Variants in MTBP observed in about 807,000 individuals in gnomAD.
The protein encoded by MTBP is MDM2 binding protein.
MTBP carries 101 observed loss-of-function variants against 117.0 expected under a neutral mutation model. The observed-to-expected ratio is 0.86, with a 90% CI of 0.73 to 1.02. The LOEUF is 1.02. Ranked by LOEUF, MTBP falls within the 50% of genes least tolerant of loss-of-function variation. The pLI, the probability that MTBP is intolerant of heterozygous loss-of-function variation, is 0.00. For missense variants in MTBP, 970 were observed against 1,030.9 expected, an observed-to-expected ratio of 0.94 and a Z score of 0.81; for synonymous variants, 350 against 351.5, an observed-to-expected ratio of 1.00 and a Z score of 0.05.
intron 16 of MTBP, among the ~76,000 whole-genome samples, chr8:120,507,282 A>C (rs1814706894): frequency 6.6e-6 from 1 of 152,164 alleles, no homozygotes; most frequent in Admixed American, 6.6e-5. Context: ...ATGGCCTTTC[A>C]CCTGAAGAAC....
intron 16 of MTBP, among the ~76,000 whole-genome samples, chr8:120,507,784 A>G (rs754959893): frequency 1.8e-4 from 27 of 152,160 alleles, no homozygotes; most frequent in Non-Finnish European, 4.4e-5. Flanking sequence ...CATAAAAATT[A>G]TATAATTTTG....
At chr8:120,451,443 A>C in intron 4 of MTBP, 121 bp downstream of exon 4, 1 of 793,350 alleles carries the variant, frequency 1.3e-6, no homozygotes, top group Admixed American at 3.1e-5. Flanking sequence ...AGTTAATTGA[A>C]ATTTTTGACT....
intron 13 of MTBP, among the ~76,000 whole-genome samples, chr8:120,493,176 A>G (rs1044685242): frequency 2.0e-5 from 3 of 152,204 alleles, no homozygotes; most frequent in African/African-American, 7.2e-5. Flanking sequence ...AGTTATTACT[A>G]GCTTTCTTAG....
At chr8:120,455,798 A>G (rs149901430) in intron 6 of MTBP, among the ~76,000 whole-genome samples, 1 of 152,204 alleles carries the variant, frequency 6.6e-6, no homozygotes, top group Non-Finnish European at 1.5e-5. Flanking sequence ...AGTAAATATT[A>G]TTGATGCTGT....
chr8:120,486,040 T>C (rs1814206435), intron 11 of MTBP, among the ~76,000 whole-genome samples: 1 of 152,200 alleles, frequency 6.6e-6, no homozygotes, highest in African/African-American at 2.4e-5. Context: ...GACAATGCAC[T>C]GGGGCTTAAA....
chr8:120,523,254 T>A (rs1337671671), intron 21 of MTBP, 44 bp from the exon 22 acceptor site: 1 of 1,320,440 alleles, frequency 7.6e-7, no homozygotes, highest in Non-Finnish European at 1.1e-6. Context: ...ATTACTTGTG[T>A]TTTCAAGAGA....
rs887477952 is a variant in MTBP at position 120,503,678 on chromosome 8, T to TATA, written c.1727+1070_1727+1071insTAA. On this transcript the variant is annotated intron_variant, in intron 15 of 21. Transcript: ENST00000305949. Reference sequence around the variant, plus strand: ...TGATTTTGCAAAAATTTTGCTTTCTTACGGCAAATAAATTGCAGGAGGGAG... The same window carrying TATA: ...TGATTTTGCAAAAATTTTGCTTTCTTATAACGGCAAATAAATTGCAGGAGGGAG... Among the ~76,000 whole-genome samples, 4 of 152,168 alleles carry TATA rather than the reference T, an allele frequency of 2.6e-5. No individual in the cohort carries two copies. In the East Asian group the frequency reaches 7.7e-4, roughly 29 times the overall value.
rs1249893466 is a variant in MTBP, at chr8:120,454,622, A to T, written c.484+717A>T. Among the ~76,000 whole-genome samples, 3 of 152,084 alleles carry T rather than the reference A, an allele frequency of 2.0e-5. No individual in the cohort carries two copies. In the East Asian group the frequency reaches 5.8e-4, roughly 29 times the overall value. On this transcript the variant is annotated intron_variant, in intron 5 of 21. Coordinates refer to ENST00000305949, the MANE Select transcript of MTBP (RefSeq NM_022045.5). ...GATGAATAAAGCATCTGTGATTAAC[A>T]TAAAGGAGCTTTTAGCTTATAGTCA...
intron 11 of MTBP, among the ~76,000 whole-genome samples, chr8:120,481,542 G>A (rs1234721165): frequency 2.0e-5 from 3 of 152,108 alleles, no homozygotes; most frequent in Non-Finnish European, 4.4e-5. Flanking sequence ...TATAAATAAA[G>A]TCAGACAAGG....
rs567220696 is a variant in MTBP at position 120,510,425 on chromosome 8, G to A, written c.1979+396G>A. 5.5e-4 allele frequency among the ~76,000 whole-genome samples: 83 copies of A among 152,112 alleles called. No individual in the cohort carries two copies. The South Asian group carries it at 0.017, about 31-fold the overall frequency. ...TTTTCCAAGAGGAAGACTTATACAA[G>A]TATGCACATAATAGTTTAATTCTCA... On this transcript the variant is annotated intron_variant, in intron 17 of 21. Transcript: ENST00000305949.
chr8:120,496,783 G>A (rs1814474795), intron 13 of MTBP, among the ~76,000 whole-genome samples: 1 of 151,706 alleles, frequency 6.6e-6, no homozygotes, highest in South Asian at 2.1e-4. Flanking sequence ...GGAAGGACCT[G>A]CAGTTCTGAC....
intron 11 of MTBP, among the ~76,000 whole-genome samples, chr8:120,480,036 A>ATTACTGAGTTTTAATTACTTTAG (rs1222534782): frequency 2.0e-5 from 3 of 152,170 alleles, no homozygotes; most frequent in African/African-American, 7.2e-5. Flanking sequence ...ACCCCAAAAC[A>ATTACTGAGTTTTAATTACTTTAG]TTACTGAGAG....
chr8:120,471,811 CTGTGCTCT>C (rs1267950802), intron 11 of MTBP: 3 of 152,118 alleles, frequency 2.0e-5, no homozygotes, highest in African/African-American at 7.2e-5. Flanking sequence ...GGGTTTGAAT[CTGTGCTCT>C]TGTGCTCTTT....
chr8:120,519,181 G>GGA (rs377441967), intron 20 of MTBP, among the ~76,000 whole-genome samples: 1 of 118,340 alleles, frequency 8.5e-6, no homozygotes, highest in African/African-American at 3.1e-5. Context: ...AAAATGTTCT[G>GGA]AAAAAAAAAA....
chr8:120,459,740 A>G (rs910387746), intron 8 of MTBP, among the ~76,000 whole-genome samples: 7 of 152,106 alleles, frequency 4.6e-5, no homozygotes, highest in Non-Finnish European at 7.4e-5. Flanking sequence ...CCTTGGGTAG[A>G]TTGATTAACT....
intron 18 of MTBP, 81 bp downstream of exon 18, chr8:120,516,272 T>C (rs1814917727): frequency 8.2e-7 from 1 of 1,220,406 alleles, no homozygotes; most frequent in Non-Finnish European, 1.1e-6. Flanking sequence ...TTTATATTAG[T>C]CTTTCAGGTT....
At position 120,446,432 on chromosome 8, in the gene MTBP, G is replaced by A; in HGVS notation, c.119-1G>A. The A allele has an allele frequency of 1.3e-6, 2 of 1,598,284 alleles. No individual in the cohort carries two copies. Among genetic ancestry groups the A allele is most frequent in the Non-Finnish European group, 1.7e-6 (2 of 1,166,122 alleles). ...GAGTTAGTCTATCTTTTCTTTTTCA[G>A]ACTTCACAGCAGCAAATGTTTATCA... On this transcript the variant is annotated splice_acceptor_variant, in intron 1 of 21. Transcript: ENST00000305949. LOFTEE classifies it high-confidence loss of function.
At chr8:120,509,843 A>G (rs1288550678) in intron 16 of MTBP, 91 bp from the exon 17 acceptor site, 4 of 830,470 alleles carry the variant, frequency 4.8e-6, no homozygotes, top group East Asian at 2.7e-5. Flanking sequence ...TGTAGAGGAA[A>G]AAGTCAGATT....
At chr8:120,521,153 T>G (rs559908788) in intron 20 of MTBP, among the ~76,000 whole-genome samples, 1 of 152,252 alleles carries the variant, frequency 6.6e-6, no homozygotes, top group African/African-American at 2.4e-5. Flanking sequence ...ACTGAGAGAT[T>G]ATCCTGTATA....
Sources: gnomAD v4.1 joint callset for allele counts (sites outside exome capture counted in the v4.1 genomes callset) on GRCh38, gnomAD v4.1.1 for gene constraint, MANE v1.5 for transcripts, NCBI Gene and HGNC (gene_info 2026-07-23, HGNC 2026-07-21) for gene names.